The following ELF5 variants were observed in gnomAD, a reference collection of about 807,000 sequenced individuals.
ELF5 encodes E74 like ETS transcription factor 5.
Under a neutral mutation model 38.2 loss-of-function variants are expected in ELF5, and 31 were observed. The observed-to-expected ratio is 0.81, with a 90% CI of 0.61 to 1.10. The LOEUF (loss-of-function observed/expected upper bound fraction) is 1.10. ELF5 is among the 50% of genes least tolerant of loss of function. The pLI is 0.00. For synonymous variants in ELF5, 121 were observed against 112.5 expected (o/e 1.08, Z -0.48); for missense variants, 300 against 306.6 (o/e 0.98, Z 0.16).
intron 2 of ELF5, among the ~76,000 whole-genome samples, chr11:34,496,824 G>A (rs1850332612): frequency 6.6e-6 from 1 of 152,110 alleles, no homozygotes; most frequent in South Asian, 2.1e-4. Context: ...GGGGACTGAC[G>A]GGACCCCTGT....
intron 2 of ELF5, among the ~76,000 whole-genome samples, chr11:34,502,445 G>A (rs1850496254): frequency 6.6e-6 from 1 of 152,252 alleles, no homozygotes; most frequent in Admixed American, 6.5e-5. Context: ...GGCTTTTGTA[G>A]AAACTCCAAA....
At chr11:34,508,937 C>G (rs1850681089) in intron 1 of ELF5, among the ~76,000 whole-genome samples, 1 of 152,178 alleles carries the variant, frequency 6.6e-6, no homozygotes, top group Non-Finnish European at 1.5e-5. Context: ...CAAATCAAAC[C>G]TCAGTACTAA....
intron 4 of ELF5, among the ~76,000 whole-genome samples, chr11:34,488,467 T>C (rs557086031): frequency 7.0e-4 from 107 of 152,344 alleles, no homozygotes; most frequent in Non-Finnish European, 1.4e-3. Flanking sequence ...GCACTAGGGC[T>C]TGTCTCATAT....
At chr11:34,510,311 G>GTTTT (rs33963110) in intron 1 of ELF5, among the ~76,000 whole-genome samples, 7 of 139,956 alleles carry the variant, frequency 5.0e-5, no homozygotes, top group Admixed American at 4.2e-4. Context: ...AGAAAAAGGT[G>GTTTT]TTTTTTTTTT....
chr11:34,512,705 T>G (rs1850792843), intron 1 of ELF5, among the ~76,000 whole-genome samples: 2 of 152,140 alleles, frequency 1.3e-5, no homozygotes, highest in South Asian at 4.1e-4. Context: ...TTTGCCACTC[T>G]GGTGACTTCT....
intron 4 of ELF5, among the ~76,000 whole-genome samples, chr11:34,485,063 C>T (rs1396748986): frequency 6.6e-6 from 1 of 152,174 alleles, no homozygotes; most frequent in Non-Finnish European, 1.5e-5. Context: ...ATTTACGGAG[C>T]ACTTACTAAA....
chr11:34,505,822 C>T, intron 1 of ELF5, 69 bp from the exon 2 acceptor site: 2 of 1,522,232 alleles, frequency 1.3e-6, no homozygotes, highest in South Asian at 2.6e-5. Context: ...GTGCAGGAGC[C>T]CCTAGCAGGG....
chr11:34,486,582 G>A (rs191327572), intron 4 of ELF5, among the ~76,000 whole-genome samples: 9 of 152,320 alleles, frequency 5.9e-5, no homozygotes, highest in African/African-American at 1.4e-4. Flanking sequence ...GTGTGTGTGT[G>A]TGCATGTGTG....
intron 4 of ELF5, among the ~76,000 whole-genome samples, chr11:34,484,481 AACTATACTAT>A (rs67918732): frequency 0.023 from 2,649 of 115,896 alleles, 83 homozygotes; most frequent in Admixed American, 0.1. Context: ...ACACTATACT[AACTATACTAT>A]ACTATACTAT....
At chr11:34,511,729 C>T (rs1321281996) in intron 1 of ELF5, 2 of 847,972 alleles carry the variant, frequency 2.4e-6, no homozygotes, top group Non-Finnish European at 3.7e-6. Flanking sequence ...AGGTGTGGCT[C>T]CCATGGCCTG....
rs2133869810 is a variant in ELF5 at position 34,482,440 on chromosome 11, T to C, written c.466A>G (p.Ser156Gly). The C allele has an allele frequency of 6.2e-7, 1 of 1,613,454 alleles. No homozygotes were observed. Among genetic ancestry groups the C allele is most frequent in the Non-Finnish European group, 8.5e-7 (1 of 1,179,836 alleles). ...GGCATCCTGCACTTACTTGTTCTAC[T>C]ATGACTGTGACAGTCTTGACTTTTG... is the stretch of plus-strand genomic sequence containing the variant. ...GIKSQDCHSH[S>G]RTSLQSSHLW... is the part of the protein sequence containing the mutation. Residue 156 changes from serine to glycine, a missense_variant, in exon 5 of 7, where the codon AGT becomes GGT. Physicochemically the swap from Ser to Gly is moderately conservative, Grantham distance 56. Transcript: ENST00000257832.
intron 3 of ELF5, 89 bp downstream of exon 3, chr11:34,493,390 G>T: frequency 7.9e-7 from 1 of 1,267,510 alleles, no homozygotes; most frequent in Non-Finnish European, 1.1e-6. Flanking sequence ...ATTTTGCTGT[G>T]CAATTCACAC....
intron 4 of ELF5, among the ~76,000 whole-genome samples, chr11:34,484,825 A>T (rs1230553850): frequency 6.6e-6 from 1 of 152,054 alleles, no homozygotes; most frequent in Non-Finnish European, 1.5e-5. Flanking sequence ...GGTTCCATTG[A>T]GGCAAGGCTT....
rs749951402 is a variant in ELF5, at chr11:34,480,734, T to C, written c.671+38A>G. ...TACAGCCAGCCATTGTATATAACTCTTCTTGAAGGCTCATAGTATTTTATG... is the reference window on the plus strand; with the variant it reads ...TACAGCCAGCCATTGTATATAACTCCTCTTGAAGGCTCATAGTATTTTATG... On this transcript the variant is annotated intron_variant, in intron 6 of 6. Coordinates refer to ENST00000257832, the MANE Select transcript of ELF5 (RefSeq NM_001422.4). 1.7e-5 allele frequency: 28 copies of C among 1,602,366 alleles called. No individual in the cohort carries two copies. The South Asian group carries it at 3.0e-4, about 17-fold the overall frequency.
At position 34,478,860 on chromosome 11, in the gene ELF5, A is replaced by C. The variant is rs1205118574; in HGVS notation, c.*1358T>G. The stretch of plus-strand genomic sequence containing the variant: ...CCACCTGGAAAACACATGAATCCAA[A>C]ATAGATTATTTTACAGTAATTCATA... On this transcript the variant is annotated 3_prime_UTR_variant, in exon 7 of 7. Transcript: ENST00000257832. The C allele has an allele frequency of 6.6e-6, 1 of 152,668 alleles. No individual in the cohort carries two copies. The highest frequency in any genetic ancestry group is 1.5e-5 in the Non-Finnish European group (1 of 68,050). 9.5% of individuals were successfully genotyped at this position (152,668 alleles called of 1,614,324 possible).
chr11:34,499,389 G>A (rs1850399370), intron 2 of ELF5, among the ~76,000 whole-genome samples: 2 of 152,062 alleles, frequency 1.3e-5, no homozygotes, highest in African/African-American at 4.8e-5. Context: ...CCGCAGTTGT[G>A]CAACACCATG....
chr11:34,489,640 T>G (rs1850108281), intron 4 of ELF5, among the ~76,000 whole-genome samples: 1 of 152,200 alleles, frequency 6.6e-6, no homozygotes, highest in Non-Finnish European at 1.5e-5. Context: ...ACAAGGCTTC[T>G]AATAGTATTA....
chr11:34,511,478 T>C (rs754611803), intron 1 of ELF5: 23 of 1,608,564 alleles, frequency 1.4e-5, no homozygotes, highest in Non-Finnish European at 2.0e-5. Context: ...AGCTCAAGAA[T>C]GATTAACACA....
intron 3 of ELF5, 184 bp downstream of exon 3, chr11:34,493,295 C>A: frequency 1.6e-6 from 1 of 644,114 alleles, no homozygotes; most frequent in Admixed American, 2.9e-5. Flanking sequence ...TTGTAACTCG[C>A]TCCCTTTTCC....
Sources: allele counts gnomAD v4.1 joint callset (sites outside exome capture counted in the v4.1 genomes callset), GRCh38; gene constraint gnomAD v4.1.1; transcripts MANE v1.5; gene names NCBI Gene and HGNC (gene_info 2026-07-23, HGNC 2026-07-21).